SHISA9: variants seen among roughly 807,000 people sequenced by gnomAD.
SHISA9 encodes the protein protein shisa-9.
Under a neutral mutation model 38.0 loss-of-function variants are expected in SHISA9, and 13 were observed. The observed-to-expected ratio is 0.34, with a 90% CI of 0.22 to 0.54. The LOEUF is 0.54. Among genes scored for constraint, SHISA9 ranks in the 20% least tolerant of loss-of-function variants. The pLI, the probability that SHISA9 is intolerant of heterozygous loss-of-function variation, is 0.91. For synonymous variants in SHISA9, 275 were observed against 242.0 expected (o/e 1.14, Z -1.27); for missense variants, 538 against 575.8 (o/e 0.93, Z 0.67).
Position 13,235,502 on chromosome 16 carries a change from A to G in SHISA9, c.*93A>G, listed in dbSNP as rs1165022814. ...CACCCTCCCCATCCTCCCCTAATAC[A>G]TGCGTCCACACACTCACTCTCAACA... is the stretch of plus-strand genomic sequence containing the variant. On this transcript the variant is annotated 3_prime_UTR_variant, in exon 5 of 5. Coordinates refer to ENST00000558583, the MANE Select transcript of SHISA9 (RefSeq NM_001145204.3). 38 of 1,349,094 alleles carry G rather than the reference A, an allele frequency of 2.8e-5. No individual in the cohort carries two copies. Among genetic ancestry groups the G allele is most frequent in the Non-Finnish European group, 3.7e-5 (38 of 1,014,440 alleles). The allele number at this position is 1,349,094 out of a possible 1,614,324, so 83.6% of individuals were successfully genotyped here.
the SHISA9 span, among the ~76,000 whole-genome samples, chr16:13,290,049 C>G: frequency 6.6e-6 from 1 of 152,036 alleles, no homozygotes. Flanking sequence ...ATTCTATGCC[C>G]TGGAGATTCA....
At chr16:13,230,924 C>T (rs2051325750) in intron 4 of SHISA9, among the ~76,000 whole-genome samples, 1 of 152,092 alleles carries the variant, frequency 6.6e-6, no homozygotes, top group South Asian at 2.1e-4. Flanking sequence ...GTGAGGATGA[C>T]CAGAGGTTAC....
At chr16:13,275,395 T>A in the SHISA9 span, among the ~76,000 whole-genome samples, 1 of 152,156 alleles carries the variant, frequency 6.6e-6, no homozygotes, top group East Asian at 1.9e-4. Context: ...CTGATTTCTT[T>A]CTATGTAAAC....
At chr16:13,100,905 C>T (rs2073872504) in intron 2 of SHISA9, among the ~76,000 whole-genome samples, 1 of 152,060 alleles carries the variant, frequency 6.6e-6, no homozygotes, top group African/African-American at 2.4e-5. Context: ...CGGGGTTTTG[C>T]CATGTTGGTC....
chr16:13,043,096 C>T (rs965832920), intron 2 of SHISA9, among the ~76,000 whole-genome samples: 9 of 152,146 alleles, frequency 5.9e-5, no homozygotes, highest in Admixed American at 5.9e-4. Context: ...TGCTCTGCTC[C>T]ATGCAGTCAC....
chr16:13,459,071 C>T, the SHISA9 span, among the ~76,000 whole-genome samples: 3 of 152,000 alleles, frequency 2.0e-5, no homozygotes, highest in Non-Finnish European at 4.4e-5. Context: ...TCAAGCTGGT[C>T]TCGAACTGCT....
At chr16:13,321,996 A>G in the SHISA9 span, among the ~76,000 whole-genome samples, 1 of 152,242 alleles carries the variant, frequency 6.6e-6, no homozygotes, top group African/African-American at 2.4e-5. Context: ...TGCTCACTAA[A>G]CGACACAATA....
Position 12,911,414 on chromosome 16 carries a change from C to G in SHISA9, c.564-5274C>G, listed in dbSNP as rs1596524464. 5 of 979,056 alleles carry G rather than the reference C, an allele frequency of 5.1e-6. No homozygotes were observed. The South Asian group carries it at 1.9e-4, about 37-fold the overall frequency. The allele number at this position is 979,056 out of a possible 1,614,324, so 60.6% of individuals were successfully genotyped here. ...TATAAAATGTTTTTTTGTATGCACC[C>G]CAATATATGCACATTTATAAGCATA... On this transcript the variant is annotated intron_variant, in intron 1 of 4. Coordinates refer to ENST00000558583, the MANE Select transcript of SHISA9 (RefSeq NM_001145204.3).
intron 2 of SHISA9, among the ~76,000 whole-genome samples, chr16:12,970,486 TATATATATATA>T (rs2072062191): frequency 7.5e-5 from 2 of 26,830 alleles, no homozygotes; most frequent in African/African-American, 1.3e-4. Flanking sequence ...TATATATATA[TATATATATATA>T]TTTTTTTTTT....
chr16:12,905,716 T>C (rs1308621308), intron 1 of SHISA9, among the ~76,000 whole-genome samples: 1 of 151,880 alleles, frequency 6.6e-6, no homozygotes, highest in Non-Finnish European at 1.5e-5. Context: ...CTCAGCCTCC[T>C]GACTGGCTGG....
chr16:12,973,179 C>A (rs1004078005), intron 2 of SHISA9, among the ~76,000 whole-genome samples: 9 of 152,326 alleles, frequency 5.9e-5, no homozygotes, highest in Admixed American at 2.0e-4. Context: ...AGCAGGGACT[C>A]ATGAAGGATC....
intron 2 of SHISA9, among the ~76,000 whole-genome samples, chr16:13,156,039 G>T (rs2050543927): frequency 6.6e-6 from 1 of 152,214 alleles, no homozygotes; most frequent in South Asian, 2.1e-4. Flanking sequence ...CGCAAGCTGG[G>T]TGTCTGCTGT....
the SHISA9 span, among the ~76,000 whole-genome samples, chr16:13,303,052 A>G: frequency 6.6e-6 from 1 of 152,206 alleles, no homozygotes; most frequent in Non-Finnish European, 1.5e-5. Flanking sequence ...CCTTTGTAGC[A>G]GCGTGGAAAC....
At chr16:13,080,096 G>A (rs561261619) in intron 2 of SHISA9, among the ~76,000 whole-genome samples, 102 of 152,212 alleles carry the variant, frequency 6.7e-4, no homozygotes, top group South Asian at 2.1e-3. Context: ...CCACTCAGCC[G>A]GGCGAAGTGG....
intron 2 of SHISA9, among the ~76,000 whole-genome samples, chr16:13,064,784 CAAAA>C (rs72435637): frequency 0.11 from 9,309 of 82,380 alleles, 446 homozygotes; most frequent in Admixed American, 0.22. Flanking sequence ...AGTTGTAAGG[CAAAA>C]AAAAAAAAAA....
chr16:13,268,523 A>G, the SHISA9 span, among the ~76,000 whole-genome samples: 2 of 151,990 alleles, frequency 1.3e-5, no homozygotes, highest in Non-Finnish European at 2.9e-5. Context: ...AAACAAACAA[A>G]CAAACAAAAA....
chr16:13,213,159 C>T (rs1292896751), intron 3 of SHISA9, 94 bp from the exon 4 acceptor site: 2 of 1,107,318 alleles, frequency 1.8e-6, no homozygotes, highest in Non-Finnish European at 2.7e-6. Flanking sequence ...GAGGCTGCAG[C>T]AGGGGCAGCC....
chr16:13,169,310 G>A (rs1011651371), intron 2 of SHISA9, among the ~76,000 whole-genome samples: 6 of 152,162 alleles, frequency 3.9e-5, no homozygotes, highest in Non-Finnish European at 5.9e-5. Flanking sequence ...CACCATTTGC[G>A]GTGGCAGAAG....
At chr16:12,989,850 A>G (rs2072361539) in intron 2 of SHISA9, among the ~76,000 whole-genome samples, 1 of 152,152 alleles carries the variant, frequency 6.6e-6, no homozygotes, top group Non-Finnish European at 1.5e-5. Flanking sequence ...AACGTGTGCC[A>G]TGGTGATTTG....
Sources: gnomAD v4.1 joint callset for allele counts (sites outside exome capture counted in the v4.1 genomes callset) on GRCh38, gnomAD v4.1.1 for gene constraint, MANE v1.5 for transcripts, NCBI Gene and HGNC (gene_info 2026-07-23, HGNC 2026-07-21) for gene names.